Variants in CSMD1 observed in about 807,000 individuals in gnomAD.
CSMD1 encodes the protein CUB and Sushi multiple domains 1.
CSMD1 carries 213 observed loss-of-function variants against 417.5 expected under a neutral mutation model. The observed-to-expected ratio is 0.51, with a 90% CI of 0.46 to 0.57. The LOEUF (loss-of-function observed/expected upper bound fraction) is 0.57, where lower values mean the gene tolerates loss of function less well. Among genes scored for constraint, CSMD1 ranks in the 20% least tolerant of loss-of-function variants. CSMD1 has a pLI of 0.00. For synonymous variants in CSMD1, 2,862 were observed against 1,736.8 expected (o/e 1.65, Z -16.11); for missense variants, 6,923 against 4,529.7 (o/e 1.53, Z -15.17).
At chr8:3,270,401 T>TTTTTC (rs1801753455) in intron 26 of CSMD1, among the ~76,000 whole-genome samples, 1 of 152,016 alleles carries the variant, frequency 6.6e-6, no homozygotes, top group Admixed American at 6.6e-5. Flanking sequence ...AAGATTATTT[T>TTTTTC]AAAGCAGTGA....
chr8:2,962,730 T>C lies in CSMD1; in HGVS notation c.9455-91A>G, dbSNP rs991499114. The C allele has an allele frequency of 6.2e-6, 8 of 1,293,696 alleles. No homozygotes were observed. The African/African-American group carries it at 7.5e-5, about 12-fold the overall frequency. The allele number at this position is 1,293,696 out of a possible 1,614,324, so 80.1% of individuals were successfully genotyped here. A position where few individuals can be genotyped will look rare whatever the true frequency, so the allele number is the denominator to read the frequency against. ...TGGTAACTAGTTTCTGTTAAATCTT[T>C]AGCTTTAACTATTAAACAAGAAAAA... On this transcript the variant is annotated intron_variant, in intron 60 of 69. Coordinates refer to ENST00000635120, the MANE Select transcript of CSMD1 (RefSeq NM_033225.6).
intron 3 of CSMD1, among the ~76,000 whole-genome samples, chr8:4,342,425 T>C (rs1426366255): frequency 6.6e-6 from 1 of 152,108 alleles, no homozygotes; most frequent in African/African-American, 2.4e-5. Flanking sequence ...CTTTCTGAAC[T>C]GTTGAAAACT....
At chr8:3,449,530 T>A (rs1032000237) in intron 12 of CSMD1, among the ~76,000 whole-genome samples, 2 of 152,164 alleles carry the variant, frequency 1.3e-5, no homozygotes, top group African/African-American at 4.8e-5. Context: ...ATTTTTTTTT[T>A]TTTTAAGATG....
chr8:4,764,170 A>G (rs1812296300), intron 1 of CSMD1, among the ~76,000 whole-genome samples: 1 of 152,190 alleles, frequency 6.6e-6, no homozygotes, highest in South Asian at 2.1e-4. Context: ...AGGAGCACCC[A>G]CTGCTGAAAT....
At chr8:3,051,164 G>T (rs775079061) in intron 50 of CSMD1, among the ~76,000 whole-genome samples, 1 of 152,116 alleles carries the variant, frequency 6.6e-6, no homozygotes, top group African/African-American at 2.4e-5. Context: ...TCACTGCAGC[G>T]CTATTCACAA....
chr8:4,903,774 G>C (rs1805055470), intron 1 of CSMD1, among the ~76,000 whole-genome samples: 2 of 152,160 alleles, frequency 1.3e-5, no homozygotes, highest in East Asian at 1.9e-4. Context: ...GAAGGACCTG[G>C]AGTCTTCTTA....
rs983164661 is a variant in CSMD1, at chr8:3,214,656, T to C, written c.4708A>G (p.Ile1570Val). The C allele has an allele frequency of 6.4e-7, 1 of 1,552,004 alleles. No individual in the cohort carries two copies. The highest frequency in any genetic ancestry group is 8.7e-7 in the Non-Finnish European group (1 of 1,147,144). ...GTTCCAACTCTTGTCCCATTCATTATATTTCCTGGGTCAAAACAAGCTTCC... is the reference window on the plus strand; with the variant it reads ...GTTCCAACTCTTGTCCCATTCATTACATTTCCTGGGTCAAAACAAGCTTCC... ...PREACFDPGN[I>V]MNGTRVGTDF... Residue 1570 changes from isoleucine (I) to valine (V), a missense_variant, in exon 30 of 70, where the codon ATA becomes GTA. Physicochemically the swap from Ile to Val is conservative, Grantham distance 29. Transcript: ENST00000635120.
chr8:3,653,120 A>C lies in CSMD1; in HGVS notation c.1010-36323T>G, dbSNP rs189986021. Among the ~76,000 whole-genome samples the C allele has an allele frequency of 4.8e-4, 73 of 152,230 alleles. No individual in the cohort carries two copies. In the East Asian group the frequency reaches 0.014, roughly 29 times the overall value. On this transcript the variant is annotated intron_variant, in intron 7 of 69. Transcript: ENST00000635120. ...CCAGCCTCCATGCATATGCTTTATT[A>C]ATTGAAAGCCCTATAAATTCAAATT...
At chr8:4,329,415 G>T (rs1014441165) in intron 3 of CSMD1, among the ~76,000 whole-genome samples, 1 of 151,918 alleles carries the variant, frequency 6.6e-6, no homozygotes, top group East Asian at 1.9e-4. Flanking sequence ...CAGCCTCCCG[G>T]GTAGCTGGGA....
chr8:3,479,046 T>C (rs1386680591), intron 11 of CSMD1, among the ~76,000 whole-genome samples: 1 of 150,780 alleles, frequency 6.6e-6, no homozygotes, highest in Non-Finnish European at 1.5e-5. Flanking sequence ...GCCTGGGAAA[T>C]CCTTCTGCCC....
At chr8:3,908,852 A>G (rs957771554) in intron 5 of CSMD1, among the ~76,000 whole-genome samples, 13 of 152,332 alleles carry the variant, frequency 8.5e-5, no homozygotes, top group African/African-American at 3.1e-4. Context: ...TTGACTTCTC[A>G]AATGTTACTG....
At chr8:3,428,993 T>G (rs1336832847) in intron 12 of CSMD1, among the ~76,000 whole-genome samples, 1 of 152,044 alleles carries the variant, frequency 6.6e-6, no homozygotes, top group Admixed American at 6.5e-5. Flanking sequence ...AAAACTGATC[T>G]CATTGGAGCA....
At chr8:4,198,589 T>A (rs570795751) in intron 3 of CSMD1, among the ~76,000 whole-genome samples, 1 of 152,248 alleles carries the variant, frequency 6.6e-6, no homozygotes, top group South Asian at 2.1e-4. Flanking sequence ...TTCAGCGCCT[T>A]TGATTTTAAC....
At chr8:3,950,070 A>G (rs1231468314) in intron 5 of CSMD1, 2 of 445,710 alleles carry the variant, frequency 4.5e-6, no homozygotes, top group African/African-American at 2.1e-5. Flanking sequence ...GAGTTGCCAG[A>G]AAATAAAAAG....
At chr8:4,267,691 G>T (rs921653950) in intron 3 of CSMD1, among the ~76,000 whole-genome samples, 9 of 151,986 alleles carry the variant, frequency 5.9e-5, no homozygotes, top group African/African-American at 1.9e-4. Context: ...CCTCCTTAGT[G>T]TCTTACATGA....
chr8:4,276,302 G>C (rs551708209), intron 3 of CSMD1, among the ~76,000 whole-genome samples: 2 of 152,240 alleles, frequency 1.3e-5, no homozygotes, highest in Middle Eastern at 3.4e-3. Context: ...CCATAAAAAA[G>C]GATCAGTTAA....
chr8:4,012,990 A>C (rs1420856193), intron 4 of CSMD1, among the ~76,000 whole-genome samples: 1 of 151,738 alleles, frequency 6.6e-6, no homozygotes, highest in African/African-American at 2.4e-5. Context: ...AAGTAACAAC[A>C]CCTCTCATTT....
intron 1 of CSMD1, among the ~76,000 whole-genome samples, chr8:4,642,262 C>T (rs1481879043): frequency 6.6e-6 from 1 of 152,206 alleles, no homozygotes; most frequent in African/African-American, 2.4e-5. Context: ...CCAGTAAAGG[C>T]AGGGCTCACT....
intron 1 of CSMD1, among the ~76,000 whole-genome samples, chr8:4,927,400 A>G (rs1806942248): frequency 6.6e-6 from 1 of 152,044 alleles, no homozygotes; most frequent in Admixed American, 6.6e-5. Flanking sequence ...TCCCTGCCAA[A>G]CTGCCCCAGC....
Sources: gnomAD v4.1 joint callset for allele counts (sites outside exome capture counted in the v4.1 genomes callset) on GRCh38, gnomAD v4.1.1 for gene constraint, MANE v1.5 for transcripts, NCBI Gene and HGNC (gene_info 2026-07-23, HGNC 2026-07-21) for gene names.